Variants in NIPBL observed in about 807,000 individuals in gnomAD.
The protein encoded by NIPBL is NIPBL cohesin loading factor, also known as nipped-B-like protein.
A neutral mutation model predicts 321.8 loss-of-function variants in NIPBL; 19 were observed. That is an observed-to-expected ratio of 0.06 (90% confidence interval 0.04 to 0.09). The LOEUF (loss-of-function observed/expected upper bound fraction) is 0.09, where lower values mean the gene tolerates loss of function less well. NIPBL is among the 10% of genes least tolerant of loss of function. The pLI is 1.00. For synonymous variants in NIPBL, 1,106 were observed against 1,114.1 expected, an observed-to-expected ratio of 0.99 and a Z score of 0.14; for missense variants, 2,210 against 3,327.0, an observed-to-expected ratio of 0.66 and a Z score of 8.26.
chr5:36,890,907 C>T (rs1176813064), intron 1 of NIPBL, among the ~76,000 whole-genome samples: 1 of 152,164 alleles, frequency 6.6e-6, no homozygotes, highest in Admixed American at 6.5e-5. Flanking sequence ...TTCTCTTGTA[C>T]ATCAAACACT....
intron 34 of NIPBL, among the ~76,000 whole-genome samples, chr5:37,042,899 G>GCGCACACACA (rs112689666): frequency 2.1e-5 from 3 of 144,858 alleles, no homozygotes; most frequent in African/African-American, 5.0e-5. Flanking sequence ...ACACACGCGC[G>GCGCACACACA]CACACACACA....
intron 1 of NIPBL, among the ~76,000 whole-genome samples, chr5:36,895,094 T>G (rs1383961392): frequency 6.6e-6 from 1 of 152,212 alleles, no homozygotes; most frequent in Non-Finnish European, 1.5e-5. Flanking sequence ...CATTACTTTC[T>G]AGTTCCAGAG....
chr5:36,916,472 G>GT (rs1020324465), intron 1 of NIPBL, among the ~76,000 whole-genome samples: 2 of 151,982 alleles, frequency 1.3e-5, no homozygotes, highest in Non-Finnish European at 1.5e-5. Flanking sequence ...ACAGCATTTT[G>GT]TTTTTTGAGT....
At chr5:36,881,034 C>G (rs981500505) in intron 1 of NIPBL, among the ~76,000 whole-genome samples, 5 of 151,914 alleles carry the variant, frequency 3.3e-5, no homozygotes, top group African/African-American at 1.2e-4. Context: ...GACACTGACA[C>G]CATTTGTTAC....
At chr5:36,995,431 A>T in intron 10 of NIPBL, 191 bp from the exon 11 acceptor site, 1 of 519,388 alleles carries the variant, frequency 1.9e-6, no homozygotes, top group Non-Finnish European at 3.4e-6. Context: ...AATTATATGT[A>T]TATATGTACA....
intron 4 of NIPBL, among the ~76,000 whole-genome samples, chr5:36,959,850 A>G (rs1741409509): frequency 6.6e-6 from 1 of 152,190 alleles, no homozygotes. Flanking sequence ...CCTACTTTGT[A>G]AAAGCATAAA....
intron 3 of NIPBL, among the ~76,000 whole-genome samples, chr5:36,956,258 A>G (rs1740931741): frequency 6.6e-6 from 1 of 152,090 alleles, no homozygotes; most frequent in Non-Finnish European, 1.5e-5. Context: ...TTTCACTGCA[A>G]AACCAATACA....
intron 34 of NIPBL, among the ~76,000 whole-genome samples, chr5:37,041,453 C>T (rs1439771904): frequency 2.0e-5 from 3 of 150,896 alleles, no homozygotes; most frequent in Non-Finnish European, 3.0e-5. Flanking sequence ...TTAGTAGAGA[C>T]GGGGTTTCAC....
intron 1 of NIPBL, among the ~76,000 whole-genome samples, chr5:36,889,195 G>A (rs1259713975): frequency 6.6e-6 from 1 of 152,128 alleles, no homozygotes; most frequent in Non-Finnish European, 1.5e-5. Context: ...AGAAATGGTG[G>A]ACAACATTGA....
At chr5:37,024,456 G>A in intron 29 of NIPBL, 129 bp from the exon 30 acceptor site, 1 of 697,708 alleles carries the variant, frequency 1.4e-6, no homozygotes, top group Non-Finnish European at 2.4e-6. Flanking sequence ...CATGTAAAAA[G>A]CAAATATGTC....
At chr5:36,976,441 A>G in intron 9 of NIPBL, 39 bp downstream of exon 9, 5 of 1,596,438 alleles carry the variant, frequency 3.1e-6, no homozygotes, top group Non-Finnish European at 4.2e-6. Flanking sequence ...TCATCTGGGC[A>G]AATATGTAAT....
At chr5:36,978,877 T>C (rs547768761) in intron 9 of NIPBL, among the ~76,000 whole-genome samples, 1 of 152,156 alleles carries the variant, frequency 6.6e-6, no homozygotes, top group African/African-American at 2.4e-5. Flanking sequence ...TTGTCAACTT[T>C]GTTGGAGATC....
chr5:36,952,053 T>TGTGTGTGTGCGCGTGCGC (rs778597604), intron 1 of NIPBL, among the ~76,000 whole-genome samples: 1 of 112,114 alleles, frequency 8.9e-6, no homozygotes, highest in Non-Finnish European at 1.9e-5. Context: ...TGTGTGTGTG[T>TGTGTGTGTGCGCGTGCGC]GCGCGCGCGC....
chr5:36,904,509 T>C (rs1747480336), intron 1 of NIPBL, among the ~76,000 whole-genome samples: 1 of 152,196 alleles, frequency 6.6e-6, no homozygotes, highest in African/African-American at 2.4e-5. Flanking sequence ...TGTAACAAAT[T>C]ACACCAAAAT....
At chr5:37,033,127 TAAAC>T (rs1024924786) in intron 32 of NIPBL, among the ~76,000 whole-genome samples, 3 of 152,092 alleles carry the variant, frequency 2.0e-5, no homozygotes, top group African/African-American at 7.2e-5. Context: ...TTACTTATAA[TAAAC>T]AAGGATACAA....
intron 2 of NIPBL, among the ~76,000 whole-genome samples, chr5:36,954,752 A>T (rs904037125): frequency 5.3e-5 from 8 of 152,190 alleles, no homozygotes; most frequent in African/African-American, 1.7e-4. Context: ...CATGATAATT[A>T]TACTGTATAG....
intron 16 of NIPBL, among the ~76,000 whole-genome samples, chr5:37,004,430 G>A (rs1747183702): frequency 1.3e-5 from 2 of 151,610 alleles, no homozygotes; most frequent in South Asian, 4.2e-4. Flanking sequence ...ATAGAGCCAG[G>A]GTCTTGCTCT....
intron 40 of NIPBL, among the ~76,000 whole-genome samples, chr5:37,050,596 C>T (rs1278675812): frequency 6.6e-6 from 1 of 151,962 alleles, no homozygotes; most frequent in Non-Finnish European, 1.5e-5. Flanking sequence ...TGCTTTCTCT[C>T]TCTCCCTTTA....
intron 14 of NIPBL, among the ~76,000 whole-genome samples, chr5:37,001,729 A>T (rs1438025128): frequency 2.6e-5 from 4 of 152,198 alleles, no homozygotes; most frequent in African/African-American, 4.8e-5. Flanking sequence ...AACCAGTTAG[A>T]ATACAGTAGG....
Sources: allele counts gnomAD v4.1 joint callset (sites outside exome capture counted in the v4.1 genomes callset), GRCh38; gene constraint gnomAD v4.1.1; transcripts MANE v1.5; gene names NCBI Gene and HGNC (gene_info 2026-07-23, HGNC 2026-07-21).